The following IPO8 variants were observed in gnomAD, a reference collection of about 807,000 sequenced individuals.
The protein encoded by IPO8 is importin 8, also known as importin-8.
Under a neutral mutation model 141.2 loss-of-function variants are expected in IPO8, and 65 were observed. The ratio of observed to expected loss-of-function variants is 0.46; its 90% CI spans 0.38 to 0.57. The LOEUF (loss-of-function observed/expected upper bound fraction) is 0.57. IPO8 is among the 20% of genes least tolerant of loss of function. The pLI is 0.00. For missense variants in IPO8, 980 were observed against 1,246.8 expected (o/e 0.79, Z 3.22); for synonymous variants, 411 against 420.3 (o/e 0.98, Z 0.27).
At chr12:30,682,612 A>G (rs2053200261) in intron 3 of IPO8, among the ~76,000 whole-genome samples, 1 of 152,176 alleles carries the variant, frequency 6.6e-6, no homozygotes, top group Non-Finnish European at 1.5e-5. Flanking sequence ...ATAGGGGGAA[A>G]AATTTCTTTT....
chr12:30,661,280 ATTAAAG>A lies in IPO8; in HGVS notation c.1756-20_1756-15del. 1 of 1,571,948 alleles carries A rather than the reference ATTAAAG, an allele frequency of 6.4e-7. No homozygotes were observed. Among genetic ancestry groups the A allele is most frequent in the Non-Finnish European group, 8.6e-7 (1 of 1,163,166 alleles). On this transcript the variant is annotated splice_polypyrimidine_tract_variant and intron_variant, in intron 15 of 24. Transcript: ENST00000256079. ...AAATATCTCAGCCTATGAAAATAAC[ATTAAAG>A]TATTCCGCAATTAGTAGTACTGTTA... is the stretch of plus-strand genomic sequence containing the variant.
chr12:30,693,788 G>A (rs769465630), intron 1 of IPO8, among the ~76,000 whole-genome samples: 6 of 152,224 alleles, frequency 3.9e-5, no homozygotes, highest in Non-Finnish European at 7.4e-5. Context: ...AGAAATTGCT[G>A]GGGAAACCAC....
chr12:30,631,333 T>C (rs2052429384), intron 24 of IPO8, among the ~76,000 whole-genome samples: 2 of 152,234 alleles, frequency 1.3e-5, no homozygotes. Flanking sequence ...ACTCTAGATG[T>C]CTAGTTTGCC....
intron 1 of IPO8, among the ~76,000 whole-genome samples, chr12:30,692,340 C>T (rs892322929): frequency 3.3e-5 from 5 of 152,128 alleles, no homozygotes; most frequent in Non-Finnish European, 7.4e-5. Context: ...CAACTGTTTG[C>T]CATTTTAAAA....
chr12:30,695,832 T>G lies in IPO8; in HGVS notation c.-185A>C. ...GACTCCGCGCCCCCTGTCCTCCCTT[T>G]TTCCCCCCCACAACTCGCTCTCCAT... On this transcript the variant is annotated 5_prime_UTR_variant, in exon 1 of 25. Transcript: ENST00000256079. The surrounding 1 kb of genome is among the most constrained non-coding windows in gnomAD (Gnocchi z 4.2). 3 of 525,104 alleles carry G rather than the reference T, an allele frequency of 5.7e-6. No individual in the cohort carries two copies. The highest frequency in any genetic ancestry group is 1.0e-5 in the Non-Finnish European group (3 of 293,294). The allele number at this position is 525,104 out of a possible 1,614,324, so 32.5% of individuals were successfully genotyped here.
At chr12:30,641,265 T>C (rs1018146033) in intron 20 of IPO8, among the ~76,000 whole-genome samples, 1 of 152,188 alleles carries the variant, frequency 6.6e-6, no homozygotes, top group Non-Finnish European at 1.5e-5. Flanking sequence ...AAATGTATAG[T>C]ATGCTACCGT....
At chr12:30,661,368 T>A in intron 15 of IPO8, 102 bp from the exon 16 acceptor site, 1 of 1,052,114 alleles carries the variant, frequency 9.5e-7, no homozygotes, top group East Asian at 2.9e-5. Context: ...GAAGTCTGCA[T>A]TGCTCAAACT....
intron 1 of IPO8, among the ~76,000 whole-genome samples, chr12:30,694,321 CT>C (rs1386526890): frequency 6.6e-6 from 1 of 152,204 alleles, no homozygotes; most frequent in African/African-American, 2.4e-5. Context: ...AGTGCATTAT[CT>C]TTGGGCATTA....
intron 8 of IPO8, among the ~76,000 whole-genome samples, chr12:30,672,458 A>C (rs931936931): frequency 1.3e-5 from 2 of 152,168 alleles, no homozygotes; most frequent in African/African-American, 4.8e-5. Context: ...CTCCCTACAC[A>C]ACAGTGGGGG....
Position 30,666,166 on chromosome 12 carries a change from A to C in IPO8, c.1221+9T>G. ...TTCAGTTTTGGATTTAAAAAGAAAA[A>C]TGAAATACCTCTTTTCTTTTCTTTG... On this transcript the variant is annotated intron_variant, in intron 11 of 24. Transcript: ENST00000256079. 1 of 1,550,832 alleles carries C rather than the reference A, an allele frequency of 6.4e-7. No individual in the cohort carries two copies. The highest frequency in any genetic ancestry group is 8.7e-7 in the Non-Finnish European group (1 of 1,144,234).
intron 2 of IPO8, chr12:30,688,399 G>T: frequency 2.3e-6 from 1 of 436,810 alleles, no homozygotes; most frequent in South Asian, 1.6e-5. Context: ...ACTTTAGATT[G>T]CCCACAAGCA....
At position 30,629,855 on chromosome 12, in the gene IPO8, A is replaced by G. The variant is rs1214123027; in HGVS notation, c.*1005T>C. 4 of 152,168 alleles carry G rather than the reference A, an allele frequency of 2.6e-5. No individual in the cohort carries two copies. Among genetic ancestry groups the G allele is most frequent in the Non-Finnish European group, 5.9e-5 (4 of 68,012 alleles). The allele number at this position is 152,168 out of a possible 1,614,324, so 9.4% of individuals were successfully genotyped here. On this transcript the variant is annotated 3_prime_UTR_variant, in exon 25 of 25. Coordinates refer to ENST00000256079, the MANE Select transcript of IPO8 (RefSeq NM_006390.4). The stretch of plus-strand genomic sequence containing the variant: ...AGATTTGTTTGGGTCTTTTTCCTAG[A>G]TTAAAAAAAAATATTATAAAATGCT...
chr12:30,630,703 G>C lies in IPO8; in HGVS notation c.*157C>G. 2 of 600,034 alleles carry C rather than the reference G, an allele frequency of 3.3e-6. No homozygotes were observed. Among genetic ancestry groups the C allele is most frequent in the East Asian group, 2.8e-5 (1 of 35,986 alleles). 37.2% of individuals were successfully genotyped at this position (600,034 alleles called of 1,614,324 possible). A position where few individuals can be genotyped will look rare whatever the true frequency, so the allele number is the denominator to read the frequency against. ...ATATTTCAGGGTGACAAAGGTCAAA[G>C]GGGAAAGAGTAGATAAAAGTGCTGC... On this transcript the variant is annotated 3_prime_UTR_variant, in exon 25 of 25. Transcript: ENST00000256079.
Position 30,634,293 on chromosome 12 carries a change from A to G in IPO8, c.2696-7T>C, listed in dbSNP as rs1417421316. 21 of 1,608,494 alleles carry G rather than the reference A, an allele frequency of 1.3e-5. No individual in the cohort carries two copies. In the Admixed American group the frequency reaches 3.5e-4, roughly 27 times the overall value. ...TCATCACTTGAAATCTCCTCTGTGA[A>G]CCCATTAATTATTTAAAAGGAATCA... On this transcript the variant is annotated splice_polypyrimidine_tract_variant and splice_region_variant and intron_variant, in intron 22 of 24. Transcript: ENST00000256079.
intron 2 of IPO8, among the ~76,000 whole-genome samples, chr12:30,685,720 T>G (rs1229564348): frequency 1.3e-5 from 2 of 150,268 alleles, no homozygotes; most frequent in African/African-American, 4.9e-5. Flanking sequence ...AGGTCAGGAG[T>G]TCGAGACCAC....
intron 5 of IPO8, among the ~76,000 whole-genome samples, chr12:30,678,124 CAAAAAAA>C (rs35828691): frequency 1.3e-5 from 1 of 76,638 alleles, no homozygotes; most frequent in African/African-American, 6.0e-5. Flanking sequence ...GACTCCATCT[CAAAAAAA>C]AAAAAAAAAA....
At chr12:30,637,707 T>C (rs138312277) in intron 21 of IPO8, among the ~76,000 whole-genome samples, 9 of 152,092 alleles carry the variant, frequency 5.9e-5, no homozygotes, top group Non-Finnish European at 1.2e-4. Context: ...TGCTATAAAA[T>C]AGCATAAGAA....
intron 5 of IPO8, among the ~76,000 whole-genome samples, chr12:30,677,550 G>C (rs935761902): frequency 1.3e-5 from 2 of 151,662 alleles, no homozygotes; most frequent in African/African-American, 4.9e-5. Context: ...TATTCCAGAA[G>C]GCATTGTTAT....
chr12:30,661,614 C>CAA lies in IPO8; in HGVS notation c.1756-350_1756-349dup, dbSNP rs34097788. ...GGAATCACTTAGAAAATGAAACAAA[C>CAA]AAAAAAAAAAAACAGACATGGAAAA... On this transcript the variant is annotated intron_variant, in intron 15 of 24. Coordinates refer to ENST00000256079, the MANE Select transcript of IPO8 (RefSeq NM_006390.4). Among the ~76,000 whole-genome samples, 164 of 129,452 alleles carry CAA rather than the reference C, an allele frequency of 1.3e-3. 2 individuals carry two copies. The highest frequency in any genetic ancestry group is 5.0e-3 in the South Asian group (20 of 4,040). 84.9% of individuals were successfully genotyped at this position (129,452 alleles called of 152,430 possible).
Sources: allele counts gnomAD v4.1 joint callset (sites outside exome capture counted in the v4.1 genomes callset), GRCh38; gene constraint gnomAD v4.1.1; non-coding constraint Gnocchi (gnomAD v3.1); transcripts MANE v1.5; gene names NCBI Gene and HGNC (gene_info 2026-07-23, HGNC 2026-07-21).